ARHGAP42: variants seen among roughly 807,000 people sequenced by gnomAD.
ARHGAP42 encodes Rho GTPase activating protein 42, also known as rho GTPase-activating protein 42.
ARHGAP42 carries 63 observed loss-of-function variants against 125.0 expected under a neutral mutation model. The observed-to-expected ratio is 0.50, with a 90% CI of 0.41 to 0.62. The LOEUF (loss-of-function observed/expected upper bound fraction) is 0.62. Ranked by LOEUF, ARHGAP42 falls within the 20% of genes least tolerant of loss-of-function variation. The probability of loss-of-function intolerance (pLI) is 0.00; values close to 1 mark genes in which losing one functional copy is unlikely to be tolerated. For synonymous variants in ARHGAP42, 339 were observed against 351.0 expected, an observed-to-expected ratio of 0.97 and a Z score of 0.38; for missense variants, 766 against 1,024.2, an observed-to-expected ratio of 0.75 and a Z score of 3.44.
At chr11:100,830,439 A>G (rs1306641995) in intron 3 of ARHGAP42, among the ~76,000 whole-genome samples, 1 of 152,182 alleles carries the variant, frequency 6.6e-6, no homozygotes, top group Admixed American at 6.5e-5. Context: ...AGTTCTGCTG[A>G]GAACAGAATG....
intron 4 of ARHGAP42, among the ~76,000 whole-genome samples, chr11:100,890,724 C>T (rs1251919629): frequency 1.3e-5 from 2 of 152,164 alleles, no homozygotes; most frequent in Non-Finnish European, 2.9e-5. Flanking sequence ...CTTGAAGTAA[C>T]CTGTAGTCTG....
intron 1 of ARHGAP42, among the ~76,000 whole-genome samples, chr11:100,727,361 A>G (rs1310771746): frequency 6.6e-6 from 1 of 152,092 alleles, no homozygotes; most frequent in African/African-American, 2.4e-5. Context: ...CTGTTCTAAT[A>G]TTTGGTTTTG....
At chr11:100,723,405 T>C (rs1243736220) in intron 1 of ARHGAP42, among the ~76,000 whole-genome samples, 1 of 152,220 alleles carries the variant, frequency 6.6e-6, no homozygotes, top group Non-Finnish European at 1.5e-5. Flanking sequence ...TCTTCCTATC[T>C]AGAAACATAG....
At chr11:100,874,794 T>C (rs1462884093) in intron 4 of ARHGAP42, among the ~76,000 whole-genome samples, 1 of 152,210 alleles carries the variant, frequency 6.6e-6, no homozygotes, top group African/African-American at 2.4e-5. Context: ...GATAGGCTTA[T>C]TGCCCCATCT....
chr11:100,751,400 A>G (rs1288338034), intron 1 of ARHGAP42, among the ~76,000 whole-genome samples: 1 of 150,184 alleles, frequency 6.7e-6, no homozygotes, highest in East Asian at 2.0e-4. Context: ...CTCCTGCGCC[A>G]GCCTTCTGAG....
intron 1 of ARHGAP42, among the ~76,000 whole-genome samples, chr11:100,746,623 T>C (rs951859438): frequency 4.6e-5 from 7 of 152,212 alleles, no homozygotes; most frequent in African/African-American, 1.7e-4. Flanking sequence ...CTGTTGTCAT[T>C]TGGCATGAGG....
chr11:100,905,212 A>G (rs989838910), intron 4 of ARHGAP42, among the ~76,000 whole-genome samples: 3 of 152,240 alleles, frequency 2.0e-5, no homozygotes, highest in Admixed American at 6.5e-5. Context: ...AGATTGAAAA[A>G]GGAAAGTGAA....
At chr11:100,829,226 G>T (rs1692687185) in intron 3 of ARHGAP42, among the ~76,000 whole-genome samples, 1 of 151,974 alleles carries the variant, frequency 6.6e-6, no homozygotes. Context: ...AAAGCATGGT[G>T]GCTTCCGCCT....
chr11:100,865,268 A>G (rs1443299794), intron 4 of ARHGAP42, among the ~76,000 whole-genome samples: 1 of 152,188 alleles, frequency 6.6e-6, no homozygotes, highest in Non-Finnish European at 1.5e-5. Flanking sequence ...AATATCCAAA[A>G]AAATCTATAT....
intron 4 of ARHGAP42, among the ~76,000 whole-genome samples, chr11:100,904,223 C>A (rs1429673674): frequency 6.6e-6 from 1 of 151,894 alleles, no homozygotes; most frequent in Non-Finnish European, 1.5e-5. Context: ...CGAACACCCC[C>A]TCTACTTCCT....
intron 4 of ARHGAP42, among the ~76,000 whole-genome samples, chr11:100,900,143 T>C (rs1866501886): frequency 6.6e-6 from 1 of 152,182 alleles, no homozygotes; most frequent in Admixed American, 6.5e-5. Context: ...TTGTAAAGGA[T>C]TTTCTTTCTC....
intron 3 of ARHGAP42, among the ~76,000 whole-genome samples, chr11:100,841,277 G>T (rs1342017698): frequency 6.6e-6 from 1 of 151,946 alleles, no homozygotes; most frequent in Non-Finnish European, 1.5e-5. Flanking sequence ...TTTACTTGTT[G>T]AGTTATTGAC....
At chr11:100,811,226 G>A (rs1864134553) in intron 3 of ARHGAP42, among the ~76,000 whole-genome samples, 1 of 152,202 alleles carries the variant, frequency 6.6e-6, no homozygotes, top group Non-Finnish European at 1.5e-5. Flanking sequence ...AAAGTGCTAG[G>A]ATGATAGGCG....
chr11:100,778,574 A>T (rs954144554), intron 2 of ARHGAP42, among the ~76,000 whole-genome samples: 3 of 150,974 alleles, frequency 2.0e-5, no homozygotes, highest in African/African-American at 7.3e-5. Context: ...TTTTTTTTTT[A>T]AACCACCCTT....
At chr11:100,930,185 A>G (rs890388776) in intron 6 of ARHGAP42, among the ~76,000 whole-genome samples, 6 of 152,238 alleles carry the variant, frequency 3.9e-5, no homozygotes, top group Non-Finnish European at 7.3e-5. Flanking sequence ...AACTGAAACC[A>G]TAGTTTTTCC....
At chr11:100,703,222 C>A (rs1214810606) in intron 1 of ARHGAP42, among the ~76,000 whole-genome samples, 3 of 152,164 alleles carry the variant, frequency 2.0e-5, no homozygotes, top group Admixed American at 6.5e-5. Flanking sequence ...GGAGTTAGAG[C>A]TTTGTTCCAG....
intron 1 of ARHGAP42, among the ~76,000 whole-genome samples, chr11:100,768,211 G>C (rs1330865295): frequency 6.6e-6 from 1 of 152,198 alleles, no homozygotes; most frequent in Non-Finnish European, 1.5e-5. Context: ...GACTATGTCA[G>C]TAGATGAGAG....
intron 4 of ARHGAP42, among the ~76,000 whole-genome samples, chr11:100,912,141 G>T (rs1256823053): frequency 7.2e-5 from 11 of 152,064 alleles, no homozygotes; most frequent in Non-Finnish European, 1.5e-4. Flanking sequence ...ACATTTCCTA[G>T]ATAGATAAAC....
intron 1 of ARHGAP42, among the ~76,000 whole-genome samples, chr11:100,727,370 T>C (rs1412723463): frequency 6.6e-6 from 1 of 152,218 alleles, no homozygotes; most frequent in African/African-American, 2.4e-5. Context: ...TATTTGGTTT[T>C]GACTCTTGTT....
Sources: allele counts gnomAD v4.1 joint callset (sites outside exome capture counted in the v4.1 genomes callset), GRCh38; gene constraint gnomAD v4.1.1; transcripts MANE v1.5; gene names NCBI Gene and HGNC (gene_info 2026-07-23, HGNC 2026-07-21).